The following RAB5IF variants were observed in gnomAD, a reference collection of about 807,000 sequenced individuals.
The protein encoded by RAB5IF is RAB5 interacting factor, also known as GEL complex subunit OPTI.
Under a neutral mutation model 20.3 loss-of-function variants are expected in RAB5IF, and 15 were observed. The ratio of observed to expected loss-of-function variants is 0.74; its 90% CI spans 0.50 to 1.14. The LOEUF is 1.14. Among genes scored for constraint, RAB5IF ranks in the 50% most tolerant of loss-of-function variants. The probability of loss-of-function intolerance (pLI) is 0.00; values close to 1 mark genes in which losing one functional copy is unlikely to be tolerated. For synonymous variants in RAB5IF, 67 were observed against 63.7 expected (o/e 1.05, Z -0.25); for missense variants, 148 against 159.5 (o/e 0.93, Z 0.39).
intron 2 of RAB5IF, among the ~76,000 whole-genome samples, chr20:36,608,529 G>A (rs185199132): frequency 6.7e-6 from 1 of 148,878 alleles, no homozygotes; most frequent in African/African-American, 2.5e-5. Context: ...ATAGGCATGA[G>A]TCAGCAGGTC....
chr20:36,611,704 C>T (rs1055717478), intron 3 of RAB5IF, among the ~76,000 whole-genome samples: 1 of 152,024 alleles, frequency 6.6e-6, no homozygotes, highest in Non-Finnish European at 1.5e-5. Flanking sequence ...GCAGCACCTG[C>T]TAGCAGTGTA....
At chr20:36,608,049 C>A in intron 2 of RAB5IF, 2 of 1,182,264 alleles carry the variant, frequency 1.7e-6, no homozygotes, top group Non-Finnish European at 2.3e-6. Context: ...CCAGTCCATT[C>A]ATTCATGGGT....
In RAB5IF at chr20:36,610,862, T is replaced by G. The variant is rs543966614; in HGVS notation, c.348+1132T>G. On this transcript the variant is annotated intron_variant, in intron 3 of 3. Transcript: ENST00000344795. Reference sequence around the variant, plus strand: ...AAAGCCATAGAGGCAAAAAGTAGATTAGTGGTTGCCAGTGGCTGGGAGGAG... The same window carrying G: ...AAAGCCATAGAGGCAAAAAGTAGATGAGTGGTTGCCAGTGGCTGGGAGGAG... Among the ~76,000 whole-genome samples, 7 of 152,212 alleles carry G rather than the reference T, an allele frequency of 4.6e-5. No homozygotes were observed. The South Asian group carries it at 1.4e-3, about 32-fold the overall frequency.
Position 36,612,095 on chromosome 20 carries a change from C to T in RAB5IF, c.*44C>T. ...TGCTCCCTATCCAGTCCAAAGGACC[C>T]TCTTGATTACAGCACAGGAACTTGA... On this transcript the variant is annotated 3_prime_UTR_variant, in exon 4 of 4. Coordinates refer to ENST00000344795, the MANE Select transcript of RAB5IF (RefSeq NM_018840.5). 2 of 1,614,192 alleles carry T rather than the reference C, an allele frequency of 1.2e-6. No individual in the cohort carries two copies. Among genetic ancestry groups the T allele is most frequent in the Non-Finnish European group, 8.5e-7 (1 of 1,180,040 alleles).
intron 3 of RAB5IF, among the ~76,000 whole-genome samples, chr20:36,610,388 G>T (rs879775181): frequency 6.6e-6 from 1 of 152,076 alleles, no homozygotes; most frequent in Non-Finnish European, 1.5e-5. Context: ...CCATACAGTA[G>T]AATGTTATTT....
intron 2 of RAB5IF, among the ~76,000 whole-genome samples, chr20:36,609,080 GGAGGCCCAT>G (rs2039004803): frequency 6.6e-6 from 1 of 151,072 alleles, no homozygotes; most frequent in Non-Finnish European, 1.5e-5. Context: ...GGAGCTACCT[GGAGGCCCAT>G]GTCAGGTCCC....
chr20:36,609,453 TGGTCTTGAA>T, intron 2 of RAB5IF, 139 bp from the exon 3 acceptor site: 1 of 1,112,830 alleles, frequency 9.0e-7, no homozygotes, highest in Non-Finnish European at 1.2e-6. Flanking sequence ...TTGGCTAGGC[TGGTCTTGAA>T]CTCCTGACCG....
chr20:36,607,509 C>T (rs1253576832), intron 1 of RAB5IF, among the ~76,000 whole-genome samples: 1 of 152,200 alleles, frequency 6.6e-6, no homozygotes, highest in Non-Finnish European at 1.5e-5. Context: ...GGATTACAGG[C>T]TTCAGCCACC....
At chr20:36,608,990 A>AG (rs1260158353) in intron 2 of RAB5IF, among the ~76,000 whole-genome samples, 2 of 151,678 alleles carry the variant, frequency 1.3e-5, no homozygotes, top group Admixed American at 1.3e-4. Flanking sequence ...GGAGTTATAC[A>AG]GGGGGTATAC....
At chr20:36,609,078 CTGGAGGCCCA>C (rs1396249769) in intron 2 of RAB5IF, among the ~76,000 whole-genome samples, 3 of 151,146 alleles carry the variant, frequency 2.0e-5, no homozygotes, top group Non-Finnish European at 2.9e-5. Context: ...CTGGAGCTAC[CTGGAGGCCCA>C]TGTCAGGTCC....
Position 36,609,721 on chromosome 20 carries a change from C to T in RAB5IF, c.339C>T (p.Ala113=). Residue 113 remains alanine (A), a synonymous_variant, in exon 3 of 4, where the codon GCC becomes GCT. Coordinates refer to ENST00000344795, the MANE Select transcript of RAB5IF (RefSeq NM_018840.5). ...LTKEGFMTSF[A]LFMVIWIIFY... The stretch of plus-strand genomic sequence containing the variant: ...AGGAAGGGTTTATGACCTCTTTTGC[C>T]TTGTTCATGGTATGTGTAGCTGATA... 1 of 1,614,164 alleles carries T rather than the reference C, an allele frequency of 6.2e-7. No individual in the cohort carries two copies. The highest frequency in any genetic ancestry group is 8.5e-7 in the Non-Finnish European group (1 of 1,180,012).
rs2038965880 is a variant in RAB5IF at position 36,607,622 on chromosome 20, G to A, written c.115-93G>A. 3.3e-5 allele frequency: 48 copies of A among 1,469,518 alleles called. 1 individual carries two copies. In the South Asian group the frequency reaches 5.5e-4, roughly 17 times the overall value. 91.0% of individuals were successfully genotyped at this position (1,469,518 alleles called of 1,614,324 possible). On this transcript the variant is annotated intron_variant, in intron 1 of 3. Coordinates refer to ENST00000344795, the MANE Select transcript of RAB5IF (RefSeq NM_018840.5). ...CCTTTGGGGGGAAACAAATTTCCTG[G>A]ATATGTTTAGCAGAAAGGTTTAATA...
intron 2 of RAB5IF, 33 bp downstream of exon 2, chr20:36,607,851 T>G (rs374596247): frequency 4.3e-5 from 69 of 1,611,592 alleles, no homozygotes; most frequent in Non-Finnish European, 4.0e-5. Context: ...TTTCATGGTA[T>G]CATTTCTTTT....
Position 36,606,070 on chromosome 20 carries a change from G to T in RAB5IF, c.114+5G>T. ...GACGCGGCCTGGGAGGATAAGGTAC[G>T]GTGGAGTCTGAACAGGGCGCGGGTG... On this transcript the variant is annotated splice_donor_5th_base_variant and intron_variant, in intron 1 of 3. Transcript: ENST00000344795. 6.8e-7 allele frequency: 1 copy of T among 1,463,776 alleles called. No individual in the cohort carries two copies. Among genetic ancestry groups the T allele is most frequent in the Non-Finnish European group, 9.1e-7 (1 of 1,094,750 alleles). The allele number at this position is 1,463,776 out of a possible 1,614,324, so 90.7% of individuals were successfully genotyped here. A position where few individuals can be genotyped will look rare whatever the true frequency, so the allele number is the denominator to read the frequency against.
chr20:36,609,236 C>CTAT (rs2039039439), intron 2 of RAB5IF, among the ~76,000 whole-genome samples: 3 of 131,708 alleles, frequency 2.3e-5, no homozygotes, highest in African/African-American at 9.6e-5. Flanking sequence ...CACACACACA[C>CTAT]ACACACACAC....
intron 1 of RAB5IF, among the ~76,000 whole-genome samples, chr20:36,606,490 G>A (rs903281228): frequency 2.6e-5 from 4 of 152,238 alleles, no homozygotes; most frequent in African/African-American, 9.6e-5. Flanking sequence ...CGTGCCAGGT[G>A]CTCTGCAAGC....
rs138992970 is a variant in RAB5IF, at chr20:36,612,090, G to C, written c.*39G>C. The C allele has an allele frequency of 1.8e-5, 29 of 1,614,040 alleles. No individual in the cohort carries two copies. The highest frequency in any genetic ancestry group is 2.5e-5 in the Non-Finnish European group (29 of 1,180,048). On this transcript the variant is annotated 3_prime_UTR_variant, in exon 4 of 4. Coordinates refer to ENST00000344795, the MANE Select transcript of RAB5IF (RefSeq NM_018840.5). ...CCAAGTGCTCCCTATCCAGTCCAAA[G>C]GACCCTCTTGATTACAGCACAGGAA...
chr20:36,607,953 A>G (rs748730599), intron 2 of RAB5IF, 135 bp downstream of exon 2: 35 of 1,515,430 alleles, frequency 2.3e-5, no homozygotes, highest in South Asian at 4.8e-5. Context: ...AAGCAGCCCT[A>G]CAGTGGCACT....
chr20:36,610,147 A>G (rs922723815), intron 3 of RAB5IF, among the ~76,000 whole-genome samples: 1 of 152,018 alleles, frequency 6.6e-6, no homozygotes, highest in African/African-American at 2.4e-5. Context: ...AGTTGGGTGT[A>G]GTGGCGGGCG....
Sources: gnomAD v4.1 joint callset for allele counts (sites outside exome capture counted in the v4.1 genomes callset) on GRCh38, gnomAD v4.1.1 for gene constraint, MANE v1.5 for transcripts, NCBI Gene and HGNC (gene_info 2026-07-23, HGNC 2026-07-21) for gene names.